Variants in ABCA4 observed in about 807,000 individuals in gnomAD.
The protein encoded by ABCA4 is ATP binding cassette subfamily A member 4, also known as retinal-specific phospholipid-transporting ATPase ABCA4.
In ABCA4, 196 loss-of-function variants were observed where a neutral mutation model predicts 263.7. The observed-to-expected ratio is 0.74, with a 90% CI of 0.66 to 0.84. The LOEUF is 0.84. ABCA4 is among the 40% of genes least tolerant of loss of function. ABCA4 has a pLI of 0.00. For synonymous variants in ABCA4, 1,133 were observed against 1,094.2 expected (o/e 1.04, Z -0.70); for missense variants, 2,792 against 2,855.1 (o/e 0.98, Z 0.50).
At chr1:94,013,396 C>A (rs754061024) in intron 38 of ABCA4, among the ~76,000 whole-genome samples, 1 of 152,198 alleles carries the variant, frequency 6.6e-6, no homozygotes, top group Non-Finnish European at 1.5e-5. Context: ...ACAGATTTGT[C>A]CTGTGTTCCC....
chr1:94,060,618 A>G lies in ABCA4; in HGVS notation c.2079T>C (p.Asn693=), dbSNP rs1454888484. 6.2e-7 allele frequency: 1 copy of G among 1,614,072 alleles called. No homozygotes were observed. Among genetic ancestry groups the G allele is most frequent in the Non-Finnish European group, 8.5e-7 (1 of 1,180,040 alleles). ...KETLKNQGVS[N]AVIWCTWFLD... Reference sequence around the variant, plus strand: ...GGAACCAGGTACACCAAATCACTGCATTGGAGACACCCTGATTTTTCAAGG... The same window carrying G: ...GGAACCAGGTACACCAAATCACTGCGTTGGAGACACCCTGATTTTTCAAGG... Residue 693 remains asparagine (N), a synonymous_variant, in exon 14 of 50, where the codon AAT becomes AAC. Transcript: ENST00000370225.
intron 38 of ABCA4, among the ~76,000 whole-genome samples, chr1:94,011,954 G>C (rs1442349703): frequency 1.3e-5 from 2 of 152,310 alleles, no homozygotes; most frequent in Middle Eastern, 3.4e-3. Flanking sequence ...GCCCCTCACA[G>C]GGCAACTACC....
At position 94,044,563 on chromosome 1, in the gene ABCA4, G is replaced by A. The variant is rs781748764; in HGVS notation, c.3050+50C>T. 1.9e-6 allele frequency: 3 copies of A among 1,613,904 alleles called. No homozygotes were observed. The African/African-American group carries it at 4.0e-5, about 22-fold the overall frequency. On this transcript the variant is annotated intron_variant, in intron 20 of 49. Coordinates refer to ENST00000370225, the MANE Select transcript of ABCA4 (RefSeq NM_000350.3). ...TGGGCTCTAGAGAAGTGTGCTGGGG[G>A]CAGAGGTGAGGAGAGGGGATGGGGC...
At chr1:94,046,611 G>A (rs1025708126) in intron 19 of ABCA4, among the ~76,000 whole-genome samples, 8 of 152,134 alleles carry the variant, frequency 5.3e-5, no homozygotes, top group African/African-American at 1.9e-4. Flanking sequence ...AGAGGCAACT[G>A]TGGTGCCTGG....
chr1:94,045,896 TG>T (rs1180769486), intron 19 of ABCA4: 1 of 456,228 alleles, frequency 2.2e-6, no homozygotes, highest in Non-Finnish European at 4.4e-6. Flanking sequence ...TGGGAAACCA[TG>T]GCGGGCCGTG....
At chr1:94,009,342 G>T (rs1438325774) in intron 40 of ABCA4, among the ~76,000 whole-genome samples, 1 of 152,104 alleles carries the variant, frequency 6.6e-6, no homozygotes, top group Non-Finnish European at 1.5e-5. Flanking sequence ...AGTCTGCCCT[G>T]CCAACTCCAC....
intron 19 of ABCA4, among the ~76,000 whole-genome samples, chr1:94,046,594 A>G (rs1241882442): frequency 6.6e-6 from 1 of 152,014 alleles, no homozygotes; most frequent in African/African-American, 2.4e-5. Flanking sequence ...TCAAGGTGTG[A>G]GAAACAAGAG....
At chr1:94,039,922 A>C (rs1660441332) in intron 24 of ABCA4, 121 bp downstream of exon 24, 2 of 807,078 alleles carry the variant, frequency 2.5e-6, no homozygotes, top group Admixed American at 2.0e-5. Flanking sequence ...CAACTGTGTG[A>C]CCTGCAGAAG....
intron 17 of ABCA4, among the ~76,000 whole-genome samples, chr1:94,049,603 G>A (rs973421326): frequency 1.3e-5 from 2 of 152,114 alleles, no homozygotes; most frequent in East Asian, 1.9e-4. Context: ...CAGCCTGGCC[G>A]ACAGAGTGAG....
intron 7 of ABCA4, among the ~76,000 whole-genome samples, chr1:94,081,525 T>A (rs1246644194): frequency 6.6e-6 from 1 of 152,208 alleles, no homozygotes; most frequent in Admixed American, 6.5e-5. Context: ...TGGAAAATAA[T>A]CTTATTAGCT....
At position 94,055,216 on chromosome 1, in the gene ABCA4, G is replaced by C; in HGVS notation, c.2482C>G (p.Pro828Ala). ...AAGCTGAATTCGTCCCCTTCCGTGG[G>C]ACTGTTCCCGATGTTGCTCCACTGC... Reference protein sequence around the residue: ...GLQWSNIGNSPTEGDEFSFLL... With the variant: ...GLQWSNIGNSATEGDEFSFLL... Residue 828 changes from proline (P) to alanine (A), a missense_variant, in exon 16 of 50, where the codon CCC becomes GCC. Physicochemically the swap from Pro to Ala is conservative, Grantham distance 27. Coordinates refer to ENST00000370225, the MANE Select transcript of ABCA4 (RefSeq NM_000350.3). The C allele has an allele frequency of 8.7e-6, 14 of 1,614,158 alleles. No homozygotes were observed. The highest frequency in any genetic ancestry group is 1.2e-5 in the Non-Finnish European group (14 of 1,180,032).
At chr1:94,070,893 TAA>T (rs1397578929) in intron 11 of ABCA4, among the ~76,000 whole-genome samples, 1 of 152,160 alleles carries the variant, frequency 6.6e-6, no homozygotes, top group Non-Finnish European at 1.5e-5. Context: ...CTGTGGGCGC[TAA>T]GTCTTGGCAA....
At chr1:93,993,367 G>A in intron 49 of ABCA4, 125 bp from the exon 50 acceptor site, 1 of 1,187,800 alleles carries the variant, frequency 8.4e-7, no homozygotes, top group Admixed American at 1.8e-5. Context: ...AGGGCACTGT[G>A]ATTCTGTCAG....
intron 6 of ABCA4, among the ~76,000 whole-genome samples, chr1:94,089,607 G>C (rs940017608): frequency 6.6e-6 from 1 of 151,972 alleles, no homozygotes; most frequent in Non-Finnish European, 1.5e-5. Flanking sequence ...GGGACTACAG[G>C]TGCCCACCAC....
chr1:94,029,463 C>A lies in ABCA4; in HGVS notation c.4521G>T (p.Gly1507=). 1.9e-6 allele frequency: 3 copies of A among 1,560,186 alleles called. No homozygotes were observed. The highest frequency in any genetic ancestry group is 2.6e-6 in the Non-Finnish European group (3 of 1,151,100). The change falls in exon 30 of 50, where the codon GGG becomes GGT. Residue 1507 remains glycine, a synonymous_variant. Transcript: ENST00000370225. The part of the protein sequence containing the change: ...TMLPECPEGA[G]GLPPPQRTQR... ...CAGGTACCTGGGGGGGCGGGAGGCC[C>A]CCGGCACCCTCGGGGCACTCTGGCA...
At chr1:94,120,886 T>TC in intron 1 of ABCA4, 94 bp downstream of exon 1, 17 of 155,282 alleles carry the variant, frequency 1.1e-4, no homozygotes, top group Admixed American at 2.6e-4. Context: ...CCCCCCACCC[T>TC]GCCCCACCAC....
chr1:94,018,688 T>C lies in ABCA4; in HGVS notation c.5196+894A>G, dbSNP rs72958435. On this transcript the variant is annotated intron_variant, in intron 36 of 49. Coordinates refer to ENST00000370225, the MANE Select transcript of ABCA4 (RefSeq NM_000350.3). ...TGTTGGTCTTAAAATGTTGAGATTT[T>C]ACTACTCAAGACACCTAGAATAAAT... 5.8e-3 allele frequency: 2,557 copies of C among 443,864 alleles called. 48 individuals carry two copies. Among genetic ancestry groups the C allele is most frequent in the African/African-American group, 0.046 (2,265 of 49,420 alleles). The allele number at this position is 443,864 out of a possible 1,614,324, so 27.5% of individuals were successfully genotyped here.
At position 94,080,572 on chromosome 1, in the gene ABCA4, G is replaced by T; in HGVS notation, c.1005C>A (p.Leu335=). ...GYPEGGGSRV[L]SFNWYEDNNY... The stretch of plus-strand genomic sequence containing the variant: ...TATTGTCTTCATACCAGTTGAAGGA[G>T]AGCACCCGAGAGCCACCTCCCTCGG... The change falls in exon 8 of 50, where the codon CTC becomes CTA. Residue 335 remains leucine (L), a synonymous_variant. Transcript: ENST00000370225. 1 of 1,614,118 alleles carries T rather than the reference G, an allele frequency of 6.2e-7. No individual in the cohort carries two copies. Among genetic ancestry groups the T allele is most frequent in the Non-Finnish European group, 8.5e-7 (1 of 1,180,026 alleles).
intron 7 of ABCA4, 62 bp downstream of exon 7, chr1:94,083,290 T>C (rs928938587): frequency 4.9e-5 from 64 of 1,305,812 alleles, no homozygotes; most frequent in Non-Finnish European, 6.3e-5. Context: ...TTATTTGACA[T>C]AAGTGGGGTA....
Sources: allele counts gnomAD v4.1 joint callset (sites outside exome capture counted in the v4.1 genomes callset), GRCh38; gene constraint gnomAD v4.1.1; transcripts MANE v1.5; gene names NCBI Gene and HGNC (gene_info 2026-07-23, HGNC 2026-07-21).